Variants in ZNF654 observed in about 807,000 individuals in gnomAD.
ZNF654 encodes the protein zinc finger protein 654.
ZNF654 carries 19 observed loss-of-function variants against 95.3 expected under a neutral mutation model. That is an observed-to-expected ratio of 0.20 (90% CI 0.14 to 0.29). The LOEUF is 0.29. Ranked by LOEUF, ZNF654 falls within the 10% of genes least tolerant of loss-of-function variation. The pLI is 1.00. For missense variants in ZNF654, 1,046 were observed against 1,341.0 expected, an observed-to-expected ratio of 0.78 and a Z score of 3.44; for synonymous variants, 413 against 457.9, an observed-to-expected ratio of 0.90 and a Z score of 1.25.
At chr3:88,094,539 T>G (rs1308485816) in intron 2 of ZNF654, among the ~76,000 whole-genome samples, 2 of 152,130 alleles carry the variant, frequency 1.3e-5, no homozygotes, top group Non-Finnish European at 2.9e-5. Context: ...GAAAATGGTA[T>G]TTATTGTTTT....
At chr3:88,095,806 A>G (rs747567143) in intron 2 of ZNF654, 3 of 444,296 alleles carry the variant, frequency 6.8e-6, no homozygotes, top group Non-Finnish European at 1.3e-5. Context: ...AGGCAATCCA[A>G]GTTTTTCTCA....
chr3:88,075,950 T>A (rs1707779393), intron 1 of ZNF654, among the ~76,000 whole-genome samples: 2 of 152,168 alleles, frequency 1.3e-5, no homozygotes, highest in South Asian at 4.1e-4. Flanking sequence ...CCTCTTAACT[T>A]TGTTTCTCTT....
intron 3 of ZNF654, among the ~76,000 whole-genome samples, chr3:88,124,548 G>C (rs969809165): frequency 6.6e-6 from 1 of 152,114 alleles, no homozygotes; most frequent in Non-Finnish European, 1.5e-5. Flanking sequence ...TATAATCTCA[G>C]CAAATTATGA....
At chr3:88,107,548 C>T (rs73132515) in intron 2 of ZNF654, among the ~76,000 whole-genome samples, 22,656 of 152,044 alleles carry the variant, frequency 0.15, 1,767 homozygotes, top group African/African-American at 0.18. Flanking sequence ...TCGTCAGTTG[C>T]GAAAAATTCT....
At chr3:88,097,362 G>GT (rs762086335) in intron 2 of ZNF654, among the ~76,000 whole-genome samples, 2,999 of 143,398 alleles carry the variant, frequency 0.021, 20 homozygotes, top group African/African-American at 0.035. Flanking sequence ...TTTGTCAACA[G>GT]TTTTTTTTTT....
chr3:88,137,250 G>C (rs1269929180), intron 7 of ZNF654, among the ~76,000 whole-genome samples: 1 of 138,934 alleles, frequency 7.2e-6, no homozygotes, highest in African/African-American at 2.6e-5. Flanking sequence ...GAAAGAAAAC[G>C]AATTCTGTTT....
intron 1 of ZNF654, among the ~76,000 whole-genome samples, chr3:88,082,984 G>T (rs562737375): frequency 3.0e-4 from 46 of 152,124 alleles, no homozygotes; most frequent in Middle Eastern, 3.4e-3. Context: ...CATAGAGAAA[G>T]AGAGAGGTCT....
At chr3:88,063,624 T>A (rs1399421796) in intron 1 of ZNF654, among the ~76,000 whole-genome samples, 1 of 152,206 alleles carries the variant, frequency 6.6e-6, no homozygotes, top group Admixed American at 6.5e-5. Context: ...TTTTAATTTA[T>A]CTTTAATTTT....
intron 4 of ZNF654, among the ~76,000 whole-genome samples, chr3:88,127,655 G>C (rs1043093119): frequency 6.6e-6 from 1 of 152,134 alleles, no homozygotes; most frequent in African/African-American, 2.4e-5. Flanking sequence ...GAGCTTTTAA[G>C]GGATAGATTT....
chr3:88,130,656 G>C (rs1455955421), intron 6 of ZNF654, among the ~76,000 whole-genome samples: 2 of 106,586 alleles, frequency 1.9e-5, no homozygotes, highest in African/African-American at 6.9e-5. Context: ...GGGATTCATT[G>C]TTTTGCCCAG....
intron 1 of ZNF654, among the ~76,000 whole-genome samples, chr3:88,071,628 T>TC (rs1237150160): frequency 9.7e-6 from 1 of 103,428 alleles, no homozygotes; most frequent in Non-Finnish European, 2.0e-5. Flanking sequence ...AGAGCGAGAC[T>TC]CCATCTCAAA....
At chr3:88,102,224 A>G (rs1418833511) in intron 2 of ZNF654, among the ~76,000 whole-genome samples, 1 of 152,030 alleles carries the variant, frequency 6.6e-6, no homozygotes, top group Non-Finnish European at 1.5e-5. Context: ...TGGGCTTACA[A>G]TTTTTGTCAG....
Position 88,140,054 on chromosome 3 carries a change from A to T in ZNF654, c.2385A>T (p.Gln795His). 1 of 1,613,782 alleles carries T rather than the reference A, an allele frequency of 6.2e-7. No homozygotes were observed. The highest frequency in any genetic ancestry group is 8.5e-7 in the Non-Finnish European group (1 of 1,179,760). ...SKGKCKFCQR[Q>H]FEDSQHFIDH... ...GAAAATGCAAATTTTGTCAAAGGCA[A>T]TTTGAAGATTCTCAACATTTTATAG... Residue 795 changes from glutamine (Q) to histidine (H), a missense_variant, in exon 8 of 9, where the codon CAA becomes CAT. Physicochemically the swap from Gln to His is conservative, Grantham distance 24. Coordinates refer to ENST00000636215, the MANE Select transcript of ZNF654 (RefSeq NM_001350134.2).
chr3:88,083,001 C>T (rs1237533312), intron 1 of ZNF654, among the ~76,000 whole-genome samples: 2 of 151,858 alleles, frequency 1.3e-5, no homozygotes, highest in East Asian at 3.9e-4. Context: ...GTCTTTCTGC[C>T]TCCTTCTCCT....
intron 1 of ZNF654, among the ~76,000 whole-genome samples, chr3:88,076,675 T>G (rs1707821862): frequency 6.6e-6 from 1 of 152,234 alleles, no homozygotes; most frequent in Non-Finnish European, 1.5e-5. Context: ...TTGATCTTCA[T>G]GTACTTCTTG....
chr3:88,132,797 G>C (rs936964284), intron 6 of ZNF654, among the ~76,000 whole-genome samples: 11 of 152,256 alleles, frequency 7.2e-5, no homozygotes, highest in Admixed American at 1.3e-4. Flanking sequence ...CAACCTTTAT[G>C]TGTAAGAAAA....
chr3:88,124,177 T>A (rs535129528), intron 3 of ZNF654, among the ~76,000 whole-genome samples: 1 of 152,238 alleles, frequency 6.6e-6, no homozygotes, highest in Non-Finnish European at 1.5e-5. Flanking sequence ...TACTAGGTGC[T>A]AGGCACTGTT....
chr3:88,094,323 G>T (rs1483131751), intron 2 of ZNF654, among the ~76,000 whole-genome samples: 11 of 151,952 alleles, frequency 7.2e-5, no homozygotes, highest in Admixed American at 7.2e-4. Context: ...TCTTTTCCCC[G>T]GTAATTTTGG....
chr3:88,136,920 C>T (rs781758734), intron 7 of ZNF654, among the ~76,000 whole-genome samples: 9 of 151,918 alleles, frequency 5.9e-5, no homozygotes, highest in Non-Finnish European at 8.8e-5. Context: ...GTAGGCTGGG[C>T]GCGATGGCTT....
Sources: gnomAD v4.1 joint callset for allele counts (sites outside exome capture counted in the v4.1 genomes callset) on GRCh38, gnomAD v4.1.1 for gene constraint, MANE v1.5 for transcripts, NCBI Gene and HGNC (gene_info 2026-07-23, HGNC 2026-07-21) for gene names.